Variants in HEPACAM2 observed in about 807,000 individuals in gnomAD.
The protein encoded by HEPACAM2 is HEPACAM family member 2, also known as mitotic kinetics regulator.
In HEPACAM2, 49 loss-of-function variants were observed where a neutral mutation model predicts 49.6. The observed-to-expected ratio is 0.99, with a 90% CI of 0.78 to 1.25. The LOEUF (loss-of-function observed/expected upper bound fraction) is 1.25. Ranked by LOEUF, HEPACAM2 falls within the 50% of genes most tolerant of loss-of-function variation. The pLI, the probability that HEPACAM2 is intolerant of heterozygous loss-of-function variation, is 0.00. For missense variants in HEPACAM2, 525 were observed against 557.2 expected (o/e 0.94, Z 0.58); for synonymous variants, 197 against 202.9 (o/e 0.97, Z 0.25).
At chr7:93,189,578 T>C (rs1326506421) in intron 9 of HEPACAM2, among the ~76,000 whole-genome samples, 7 of 152,044 alleles carry the variant, frequency 4.6e-5, no homozygotes, top group East Asian at 3.9e-4. Context: ...ATAGACAACA[T>C]TGAAATACAT....
chr7:93,188,853 G>C lies in HEPACAM2; in HGVS notation c.*414C>G. On this transcript the variant is annotated 3_prime_UTR_variant, in exon 10 of 10. Coordinates refer to ENST00000394468, the MANE Select transcript of HEPACAM2 (RefSeq NM_001039372.4). ...ATAAAAATTTAATAAAACAAAGTCT[G>C]CTGAAAAATCGAACAATGTAAAGTT... 1 of 393,494 alleles carries C rather than the reference G, an allele frequency of 2.5e-6. No individual in the cohort carries two copies. The allele number at this position is 393,494 out of a possible 1,614,324, so 24.4% of individuals were successfully genotyped here. A position where few individuals can be genotyped will look rare whatever the true frequency, so the allele number is the denominator to read the frequency against.
At chr7:93,229,572 T>C (rs555113284), upstream of HEPACAM2, among the ~76,000 whole-genome samples, 1 of 152,216 alleles carries the variant, frequency 6.6e-6, no homozygotes, top group Non-Finnish European at 1.5e-5. Context: ...GCCCTTATCC[T>C]ACTTTACTAC....
intron 3 of HEPACAM2, among the ~76,000 whole-genome samples, chr7:93,211,973 T>A (rs1794188645): frequency 6.6e-6 from 1 of 152,090 alleles, no homozygotes; most frequent in Admixed American, 6.6e-5. Flanking sequence ...CACATAAAAA[T>A]GAGTGTTACT....
At chr7:93,228,864 G>GGTGTGTGT (rs61092223), upstream of HEPACAM2, among the ~76,000 whole-genome samples, 11 of 149,630 alleles carry the variant, frequency 7.4e-5, no homozygotes, top group African/African-American at 2.0e-4. Context: ...TGTGCAGGAG[G>GGTGTGTGT]GTGTGTGTGT....
In HEPACAM2 at chr7:93,219,198, T is replaced by A. The variant is rs1459821187; in HGVS notation, c.333A>T (p.Pro111=). The A allele has an allele frequency of 6.2e-7, 1 of 1,613,900 alleles. No homozygotes were observed. The highest frequency in any genetic ancestry group is 8.5e-7 in the Non-Finnish European group (1 of 1,179,906). The change falls in exon 2 of 10, where the codon CCA becomes CCT. Residue 111 remains proline (P), a synonymous_variant. Coordinates refer to ENST00000394468, the MANE Select transcript of HEPACAM2 (RefSeq NM_001039372.4). ...MPPNASLLIN[P]LQFPDEGNYI... ...AATTGCCTTCATCAGGGAACTGCAGTGGGTTGATAAGCAGAGATGCATTGG... is the reference window on the plus strand; with the variant it reads ...AATTGCCTTCATCAGGGAACTGCAGAGGGTTGATAAGCAGAGATGCATTGG...
chr7:93,213,851 C>A (rs1027676606), intron 3 of HEPACAM2, among the ~76,000 whole-genome samples: 2 of 151,990 alleles, frequency 1.3e-5, no homozygotes, highest in Non-Finnish European at 2.9e-5. Context: ...ATGATGATGT[C>A]ATGAGGCAAG....
At chr7:93,223,539 T>A (rs897752919) in intron 1 of HEPACAM2, among the ~76,000 whole-genome samples, 11 of 152,178 alleles carry the variant, frequency 7.2e-5, no homozygotes, top group African/African-American at 2.7e-4. Context: ...TTGGGGTCTA[T>A]TTTAGACTGC....
At chr7:93,194,818 G>A (rs1793646157) in intron 8 of HEPACAM2, among the ~76,000 whole-genome samples, 1 of 151,492 alleles carries the variant, frequency 6.6e-6, no homozygotes, top group South Asian at 2.1e-4. Context: ...AGGAAGCAGA[G>A]GAAAACTTGG....
At chr7:93,220,717 C>A (rs932555017) in intron 1 of HEPACAM2, among the ~76,000 whole-genome samples, 4 of 152,192 alleles carry the variant, frequency 2.6e-5, no homozygotes, top group Admixed American at 1.3e-4. Flanking sequence ...TGGACCCATG[C>A]ATTCACTGCT....
chr7:93,202,557 C>T lies in HEPACAM2; in HGVS notation c.1013-4947G>A, dbSNP rs370184428. 3.3e-5 allele frequency among the ~76,000 whole-genome samples: 5 copies of T among 152,204 alleles called. No individual in the cohort carries two copies. The East Asian group carries it at 9.7e-4, about 29-fold the overall frequency. On this transcript the variant is annotated intron_variant, in intron 4 of 9. Coordinates refer to ENST00000394468, the MANE Select transcript of HEPACAM2 (RefSeq NM_001039372.4). ...ACGACTTCATGTGCTTCAAATCTTT[C>T]ACTTCTTAATAGCCAGACTGCCATC...
chr7:93,200,580 T>C (rs1013819733), intron 4 of HEPACAM2, among the ~76,000 whole-genome samples: 1 of 152,142 alleles, frequency 6.6e-6, no homozygotes, highest in African/African-American at 2.4e-5. Flanking sequence ...TACTCAATTT[T>C]TGGTGAATCT....
chr7:93,212,289 T>C (rs924939611), intron 3 of HEPACAM2, among the ~76,000 whole-genome samples: 3 of 152,014 alleles, frequency 2.0e-5, no homozygotes, highest in Admixed American at 1.3e-4. Flanking sequence ...TCCCCATTTA[T>C]TGGGTTTCAT....
upstream of HEPACAM2, among the ~76,000 whole-genome samples, chr7:93,230,644 C>A (rs936368956): frequency 6.6e-6 from 1 of 152,170 alleles, no homozygotes; most frequent in Non-Finnish European, 1.5e-5. Flanking sequence ...ATATGGCTGG[C>A]AGTTTTTGTT....
At chr7:93,192,136 G>A (rs957399218) in intron 9 of HEPACAM2, 118 bp downstream of exon 9, 2 of 652,580 alleles carry the variant, frequency 3.1e-6, no homozygotes, top group Non-Finnish European at 5.2e-6. Context: ...CAAATGTACA[G>A]AAGCTATAAT....
intron 1 of HEPACAM2, among the ~76,000 whole-genome samples, chr7:93,220,277 G>C (rs539405757): frequency 6.6e-6 from 1 of 152,216 alleles, no homozygotes; most frequent in Non-Finnish European, 1.5e-5. Flanking sequence ...AATAGGGCTA[G>C]AGCAGGAACA....
upstream of HEPACAM2, among the ~76,000 whole-genome samples, chr7:93,228,775 A>T (rs952703568): frequency 6.6e-6 from 1 of 152,170 alleles, no homozygotes; most frequent in African/African-American, 2.4e-5. Context: ...AACTGCAAGC[A>T]ATGTAAGGAG....
At chr7:93,204,033 T>C (rs777608630) in intron 4 of HEPACAM2, among the ~76,000 whole-genome samples, 1 of 152,150 alleles carries the variant, frequency 6.6e-6, no homozygotes, top group Non-Finnish European at 1.5e-5. Flanking sequence ...GTGAAATACA[T>C]TTCCTAGACA....
chr7:93,195,764 CTTT>C, intron 8 of HEPACAM2, 61 bp downstream of exon 8: 1 of 1,296,280 alleles, frequency 7.7e-7, no homozygotes, highest in Non-Finnish European at 1.1e-6. Flanking sequence ...TAAACAAATG[CTTT>C]TTACACCTCT....
chr7:93,228,008 A>T (rs931036354), upstream of HEPACAM2, among the ~76,000 whole-genome samples: 2 of 152,226 alleles, frequency 1.3e-5, no homozygotes, highest in Non-Finnish European at 2.9e-5. Context: ...CACAAAATAC[A>T]ATTTGGAAAG....
Sources: allele counts gnomAD v4.1 joint callset (sites outside exome capture counted in the v4.1 genomes callset), GRCh38; gene constraint gnomAD v4.1.1; transcripts MANE v1.5; gene names NCBI Gene and HGNC (gene_info 2026-07-23, HGNC 2026-07-21).